CPEB3: variants seen among roughly 807,000 people sequenced by gnomAD.
The protein encoded by CPEB3 is cytoplasmic polyadenylation element-binding protein 3.
In CPEB3, 20 loss-of-function variants were observed where a neutral mutation model predicts 67.2. That is an observed-to-expected ratio of 0.30 (90% CI 0.21 to 0.43). CPEB3 has a LOEUF of 0.43. Among genes scored for constraint, CPEB3 ranks in the 20% least tolerant of loss-of-function variants. The probability of loss-of-function intolerance (pLI) is 1.00; values close to 1 mark genes in which losing one functional copy is unlikely to be tolerated. For missense variants in CPEB3, 746 were observed against 968.6 expected (o/e 0.77, Z 3.05); for synonymous variants, 376 against 393.1 (o/e 0.96, Z 0.51).
chr10:92,219,742 A>G (rs1164439291), intron 2 of CPEB3, among the ~76,000 whole-genome samples: 1 of 152,244 alleles, frequency 6.6e-6, no homozygotes, highest in African/African-American at 2.4e-5. Flanking sequence ...TGAATCATCT[A>G]CACTGGCAAA....
At chr10:92,066,717 G>A (rs939183888) in intron 9 of CPEB3, among the ~76,000 whole-genome samples, 1 of 151,880 alleles carries the variant, frequency 6.6e-6, no homozygotes, top group African/African-American at 2.4e-5. Flanking sequence ...GCTAAAGCAG[G>A]GCCTCCACCA....
chr10:92,213,754 A>G (rs967762675), intron 2 of CPEB3, among the ~76,000 whole-genome samples: 2 of 152,216 alleles, frequency 1.3e-5, no homozygotes, highest in African/African-American at 4.8e-5. Flanking sequence ...CTCAGGACTC[A>G]GTAGAACACT....
rs551958413 is a variant in CPEB3, at chr10:92,241,428, A to G, written c.-11-1067T>C. Among the ~76,000 whole-genome samples, 7 of 152,198 alleles carry G rather than the reference A, an allele frequency of 4.6e-5. No homozygotes were observed. In the South Asian group the frequency reaches 8.3e-4, roughly 18 times the overall value. On this transcript the variant is annotated intron_variant, in intron 1 of 9. Transcript: ENST00000265997. Reference sequence around the variant, plus strand: ...ATCCTCCTGCTGCTGTCTTGGTCACAAGACTTTGGCAAATTTAGAATCCAT... The same window carrying G: ...ATCCTCCTGCTGCTGTCTTGGTCACGAGACTTTGGCAAATTTAGAATCCAT...
chr10:92,141,528 G>A lies in CPEB3; in HGVS notation c.1453+1501C>T, dbSNP rs544286515. On this transcript the variant is annotated intron_variant, in intron 6 of 9. Transcript: ENST00000265997. ...GATAGCATTAGGAGATATACCTATT[G>A]CTAAATGATGAGTTAATGGGTGCAG... Among the ~76,000 whole-genome samples, 9 of 152,036 alleles carry A rather than the reference G, an allele frequency of 5.9e-5. No homozygotes were observed. The South Asian group carries it at 1.9e-3, about 32-fold the overall frequency.
At chr10:92,198,982 T>C (rs567059221) in intron 2 of CPEB3, among the ~76,000 whole-genome samples, 11 of 152,366 alleles carry the variant, frequency 7.2e-5, no homozygotes, top group Middle Eastern at 3.4e-3. Flanking sequence ...AATGTGGTCA[T>C]TGAAAACAGA....
chr10:92,083,914 T>G (rs1194712496), intron 8 of CPEB3, among the ~76,000 whole-genome samples: 2 of 152,094 alleles, frequency 1.3e-5, no homozygotes, highest in Non-Finnish European at 2.9e-5. Context: ...CCGGGCACGG[T>G]GGCTCACGGC....
At chr10:92,273,655 A>T (rs1421507669) in intron 1 of CPEB3, among the ~76,000 whole-genome samples, 1 of 152,194 alleles carries the variant, frequency 6.6e-6, no homozygotes, top group Non-Finnish European at 1.5e-5. Flanking sequence ...ACATTTGACT[A>T]TAACAATAAA....
chr10:92,102,736 C>T (rs909946068), intron 7 of CPEB3, among the ~76,000 whole-genome samples: 12 of 152,214 alleles, frequency 7.9e-5, no homozygotes, highest in African/African-American at 2.7e-4. Context: ...AGACTCAAGT[C>T]AACACCTCTC....
At chr10:92,203,223 G>A (rs980279003) in intron 2 of CPEB3, among the ~76,000 whole-genome samples, 1 of 151,222 alleles carries the variant, frequency 6.6e-6, no homozygotes, top group Admixed American at 6.6e-5. Context: ...TTACAGGCGT[G>A]AGCCACCGCG....
chr10:92,081,528 G>A (rs1843152599), intron 8 of CPEB3, 27 bp from the exon 9 acceptor site: 5 of 1,593,428 alleles, frequency 3.1e-6, no homozygotes, highest in African/African-American at 1.3e-5. Context: ...AAACATGGAT[G>A]TGTATAAATA....
intron 4 of CPEB3, among the ~76,000 whole-genome samples, chr10:92,147,773 T>C (rs1200424683): frequency 6.6e-6 from 1 of 152,080 alleles, no homozygotes. Context: ...CAGAATCTTG[T>C]CAGAGTGGGA....
intron 2 of CPEB3, among the ~76,000 whole-genome samples, chr10:92,215,182 T>C (rs1452181292): frequency 6.7e-6 from 1 of 148,354 alleles, no homozygotes; most frequent in Non-Finnish European, 1.5e-5. Flanking sequence ...AGACGGAGTC[T>C]CACTCTGTTG....
intron 7 of CPEB3, among the ~76,000 whole-genome samples, chr10:92,106,809 T>G (rs1844480748): frequency 3.6e-5 from 2 of 54,800 alleles, no homozygotes; most frequent in Admixed American, 5.8e-4. Context: ...AGCAAGACTC[T>G]GTCTCAAAAA....
chr10:92,227,454 A>G (rs1322796261), intron 2 of CPEB3, among the ~76,000 whole-genome samples: 2 of 152,212 alleles, frequency 1.3e-5, no homozygotes, highest in Admixed American at 1.3e-4. Flanking sequence ...AACAATGTAA[A>G]TCCCATCCCT....
At chr10:92,090,809 T>C (rs887448082) in intron 8 of CPEB3, among the ~76,000 whole-genome samples, 1 of 152,212 alleles carries the variant, frequency 6.6e-6, no homozygotes, top group Admixed American at 6.5e-5. Context: ...TAGACTTTAT[T>C]CTCCGACTGC....
chr10:92,126,144 A>G (rs993723830), intron 6 of CPEB3, among the ~76,000 whole-genome samples: 6 of 152,338 alleles, frequency 3.9e-5, no homozygotes, highest in African/African-American at 1.2e-4. Context: ...CTGGAATTCA[A>G]CTAGAAATAT....
At chr10:92,100,064 G>GT (rs1280677705) in intron 7 of CPEB3, among the ~76,000 whole-genome samples, 1 of 152,094 alleles carries the variant, frequency 6.6e-6, no homozygotes, top group Non-Finnish European at 1.5e-5. Context: ...AGGCCCAGGA[G>GT]TTTGAGGTTG....
intron 4 of CPEB3, among the ~76,000 whole-genome samples, chr10:92,171,303 C>T (rs1847989133): frequency 6.6e-6 from 1 of 152,128 alleles, no homozygotes; most frequent in Non-Finnish European, 1.5e-5. Flanking sequence ...AAAAGCAGAC[C>T]AAGTCTTGAG....
At chr10:92,278,690 T>A (rs1014784769) in intron 1 of CPEB3, among the ~76,000 whole-genome samples, 1 of 146,062 alleles carries the variant, frequency 6.8e-6, no homozygotes, top group Non-Finnish European at 1.5e-5. Context: ...AACCTCCACC[T>A]CCCGGGTTCA....
Sources: gnomAD v4.1 joint callset for allele counts (sites outside exome capture counted in the v4.1 genomes callset) on GRCh38, gnomAD v4.1.1 for gene constraint, MANE v1.5 for transcripts, NCBI Gene and HGNC (gene_info 2026-07-23, HGNC 2026-07-21) for gene names.